The following STK33 variants were observed in gnomAD, a reference collection of about 807,000 sequenced individuals.
STK33 encodes the protein serine/threonine-protein kinase 33.
STK33 carries 52 observed loss-of-function variants against 58.0 expected under a neutral mutation model. The ratio of observed to expected loss-of-function variants is 0.90; its 90% CI spans 0.72 to 1.13. The LOEUF (loss-of-function observed/expected upper bound fraction) is 1.13. Among genes scored for constraint, STK33 ranks in the 50% most tolerant of loss-of-function variants. The pLI is 0.00. For synonymous variants in STK33, 215 were observed against 200.1 expected, an observed-to-expected ratio of 1.07 and a Z score of -0.63; for missense variants, 630 against 604.2, an observed-to-expected ratio of 1.04 and a Z score of -0.45.
intron 1 of STK33, among the ~76,000 whole-genome samples, chr11:8,567,793 A>G (rs1160381945): frequency 2.0e-5 from 3 of 152,220 alleles, no homozygotes; most frequent in Non-Finnish European, 4.4e-5. Flanking sequence ...TTTTACATTT[A>G]GCACCTAGCT....
chr11:8,469,764 T>C (rs368770041), intron 6 of STK33, among the ~76,000 whole-genome samples: 1 of 152,212 alleles, frequency 6.6e-6, no homozygotes. Context: ...GAATGTTGTG[T>C]TAGCAGGCAT....
intron 1 of STK33, among the ~76,000 whole-genome samples, chr11:8,587,547 C>A (rs2031895484): frequency 6.9e-6 from 1 of 145,334 alleles, no homozygotes; most frequent in African/African-American, 2.6e-5. Context: ...CACGGCTCAA[C>A]TGGATCACAA....
chr11:8,475,359 C>T (rs1320236706), intron 4 of STK33: 2 of 153,374 alleles, frequency 1.3e-5, no homozygotes, highest in Admixed American at 6.5e-5. Flanking sequence ...TTTAATTGGA[C>T]AGACATATAT....
intron 1 of STK33, among the ~76,000 whole-genome samples, chr11:8,548,990 T>C (rs1434380711): frequency 1.3e-5 from 2 of 152,276 alleles, no homozygotes; most frequent in East Asian, 3.9e-4. Flanking sequence ...ATATCCAAAT[T>C]GGAAAGGAGA....
chr11:8,535,841 G>A (rs1348197821), intron 1 of STK33, among the ~76,000 whole-genome samples: 1 of 152,114 alleles, frequency 6.6e-6, no homozygotes, highest in Non-Finnish European at 1.5e-5. Flanking sequence ...CAACCTAAGT[G>A]TCCCTCAACA....
the STK33 span, among the ~76,000 whole-genome samples, chr11:8,384,133 T>C: frequency 6.6e-6 from 1 of 152,232 alleles, no homozygotes; most frequent in Non-Finnish European, 1.5e-5. Flanking sequence ...TAAGAAAAGT[T>C]ATACTAGAAA....
the STK33 span, among the ~76,000 whole-genome samples, chr11:8,354,527 A>T: frequency 9.9e-6 from 1 of 101,024 alleles, no homozygotes; most frequent in Admixed American, 9.5e-5. Flanking sequence ...CCCCTCAGAC[A>T]CCCCACATCA....
intron 1 of STK33, among the ~76,000 whole-genome samples, chr11:8,532,575 G>A (rs190548146): frequency 1.4e-4 from 22 of 152,162 alleles, no homozygotes; most frequent in South Asian, 2.1e-4. Context: ...TGACATATTC[G>A]CTCCATTGGT....
intron 1 of STK33, among the ~76,000 whole-genome samples, chr11:8,560,003 A>G (rs1307518174): frequency 3.3e-5 from 5 of 152,106 alleles, no homozygotes; most frequent in Non-Finnish European, 7.4e-5. Context: ...ATAATATTCC[A>G]ATATATATAA....
downstream of STK33, among the ~76,000 whole-genome samples, chr11:8,387,292 T>G (rs1455694257): frequency 1.3e-5 from 2 of 152,122 alleles, no homozygotes; most frequent in African/African-American, 4.8e-5. Flanking sequence ...AGCTTAGGCC[T>G]AAAGAGTAGG....
intron 4 of STK33, among the ~76,000 whole-genome samples, chr11:8,476,062 C>T (rs1949239282): frequency 6.6e-6 from 1 of 152,264 alleles, no homozygotes; most frequent in East Asian, 1.9e-4. Flanking sequence ...ATCTGCCAGG[C>T]TCATACGATT....
At chr11:8,446,775 C>G (rs1591130726) in intron 11 of STK33, among the ~76,000 whole-genome samples, 1 of 152,078 alleles carries the variant, frequency 6.6e-6, no homozygotes, top group Admixed American at 6.6e-5. Context: ...ATGCAGAAAA[C>G]TGAAACTAGA....
intron 15 of STK33, among the ~76,000 whole-genome samples, chr11:8,399,161 T>C (rs968726613): frequency 6.6e-6 from 1 of 152,348 alleles, no homozygotes; most frequent in East Asian, 1.9e-4. Context: ...CAACAGACTA[T>C]ACATTCTTTT....
chr11:8,517,693 G>A (rs997565398), intron 1 of STK33, among the ~76,000 whole-genome samples: 2 of 152,164 alleles, frequency 1.3e-5, no homozygotes, highest in African/African-American at 2.4e-5. Context: ...CGTGACGCAT[G>A]CACAAGCTTC....
At chr11:8,451,273 C>A (rs1184257493) in intron 11 of STK33, among the ~76,000 whole-genome samples, 3 of 152,138 alleles carry the variant, frequency 2.0e-5, no homozygotes, top group Non-Finnish European at 4.4e-5. Flanking sequence ...CTCACAAAGA[C>A]CTGTACATGA....
At chr11:8,555,698 AG>A (rs1233914283) in intron 1 of STK33, among the ~76,000 whole-genome samples, 1 of 151,352 alleles carries the variant, frequency 6.6e-6, no homozygotes, top group Non-Finnish European at 1.5e-5. Flanking sequence ...ACAATAATAA[AG>A]AAAGTAAATT....
rs886188434 is a variant in STK33 at position 8,492,017 on chromosome 11, T to C, written c.-465-11403A>G. On this transcript the variant is annotated intron_variant, in intron 1 of 15. Coordinates refer to ENST00000687296, the MANE Select transcript of STK33 (RefSeq NM_001352389.2). Reference sequence around the variant, plus strand: ...GCCAAATTGTAAAGACCATCAATGCTAGGAAGAAACTGCATCAACTAACAG... The same window carrying C: ...GCCAAATTGTAAAGACCATCAATGCCAGGAAGAAACTGCATCAACTAACAG... Among the ~76,000 whole-genome samples, 4 of 152,278 alleles carry C rather than the reference T, an allele frequency of 2.6e-5. No individual in the cohort carries two copies. In the East Asian group the frequency reaches 5.8e-4, roughly 22 times the overall value.
intron 14 of STK33, among the ~76,000 whole-genome samples, chr11:8,428,869 T>C (rs1328525025): frequency 1.3e-5 from 2 of 152,148 alleles, no homozygotes; most frequent in African/African-American, 4.8e-5. Context: ...ATCAATTATA[T>C]ACTACTGATA....
chr11:8,588,241 A>C, intron 1 of STK33, among the ~76,000 whole-genome samples: 1 of 152,214 alleles, frequency 6.6e-6, no homozygotes, highest in East Asian at 1.9e-4. Context: ...ACAAACATTC[A>C]ATCCATAGCA....
Sources: gnomAD v4.1 joint callset for allele counts (sites outside exome capture counted in the v4.1 genomes callset) on GRCh38, gnomAD v4.1.1 for gene constraint, MANE v1.5 for transcripts, NCBI Gene and HGNC (gene_info 2026-07-23, HGNC 2026-07-21) for gene names.